Variants in MAP7D3 observed in about 807,000 individuals in gnomAD.
MAP7D3 encodes the protein MAP7 domain containing 3.
MAP7D3 carries 45 observed loss-of-function variants against 62.2 expected under a neutral mutation model. That is an observed-to-expected ratio of 0.72 (90% CI 0.57 to 0.93). The LOEUF (loss-of-function observed/expected upper bound fraction) is 0.93. Ranked by LOEUF, MAP7D3 falls within the 40% of genes least tolerant of loss-of-function variation. The probability of loss-of-function intolerance (pLI) is 0.00; values close to 1 mark genes in which losing one functional copy is unlikely to be tolerated. For missense variants in MAP7D3, 711 were observed against 683.1 expected, an observed-to-expected ratio of 1.04 and a Z score of -0.45; for synonymous variants, 288 against 248.8, an observed-to-expected ratio of 1.16 and a Z score of -1.48.
intron 17 of MAP7D3, 36 bp from the exon 18 acceptor site, chrX:136,219,531 G>A (rs1021889854): frequency 8.5e-7 from 1 of 1,174,179 alleles, no homozygotes; most frequent in African/African-American, 1.8e-5. Flanking sequence ...ATAGTTCTGT[G>A]TGACTTAAAC....
chrX:136,214,774 C>G (rs1452043681), downstream of MAP7D3: 4 of 112,423 alleles, frequency 3.6e-5, no homozygotes, highest in East Asian at 1.1e-3. Context: ...AGAAAATGCG[C>G]TGATCTGCAG....
intron 14 of MAP7D3, 69 bp from the exon 15 acceptor site, chrX:136,222,555 GTC>G (rs778932575): frequency 1.1e-6 from 1 of 897,262 alleles, no homozygotes; most frequent in African/African-American, 2.0e-5. Context: ...TTTCAACAAA[GTC>G]TGACTTCAAA....
intron 16 of MAP7D3, among the ~76,000 whole-genome samples, chrX:136,220,157 T>G (rs1006119674): frequency 9.0e-6 from 1 of 111,731 alleles, no homozygotes; most frequent in Non-Finnish European, 1.9e-5. Flanking sequence ...TTTCCTTACA[T>G]TGACAATGAG....
At chrX:136,225,193 T>G (rs1295827702) in intron 13 of MAP7D3, among the ~76,000 whole-genome samples, 1 of 112,753 alleles carries the variant, frequency 8.9e-6, no homozygotes, top group Non-Finnish European at 1.9e-5. Context: ...GCGAACCAAT[T>G]AGAGCTTTTA....
chrX:136,226,346 C>T (rs1203635799), intron 12 of MAP7D3, among the ~76,000 whole-genome samples: 1 of 111,394 alleles, frequency 9.0e-6, no homozygotes, highest in Non-Finnish European at 1.9e-5. Flanking sequence ...CTCAAAAGCA[C>T]TGAGAGGATT....
At position 136,244,804 on chromosome X, in the gene MAP7D3, T is replaced by G. The variant is rs750279371; in HGVS notation, c.254-9A>C. 1 of 1,171,221 alleles carries G rather than the reference T, an allele frequency of 8.5e-7. No individual in the cohort carries two copies. The highest frequency in any genetic ancestry group is 3.0e-5 in the East Asian group (1 of 33,654). On this transcript the variant is annotated splice_polypyrimidine_tract_variant and intron_variant, in intron 3 of 18. Transcript: ENST00000316077. ...TTGTGTTTCTTTATTGGCTGAAATA[T>G]TCCAAATACATTTTCAAGGTGTAAG...
intron 12 of MAP7D3, among the ~76,000 whole-genome samples, chrX:136,226,681 G>C (rs1428151797): frequency 8.9e-6 from 1 of 112,001 alleles, no homozygotes; most frequent in African/African-American, 3.2e-5. Flanking sequence ...GTAGGATGTG[G>C]AATCTGTTAA....
intron 12 of MAP7D3, 127 bp from the exon 13 acceptor site, chrX:136,226,140 G>A (rs1165542292): frequency 4.4e-6 from 2 of 449,666 alleles, no homozygotes; most frequent in Non-Finnish European, 7.4e-6. Flanking sequence ...TTTTGAATGA[G>A]GGTTCCTATA....
intron 13 of MAP7D3, 109 bp downstream of exon 13, chrX:136,225,800 C>A (rs766410079): frequency 2.4e-5 from 12 of 498,832 alleles, no homozygotes; most frequent in Middle Eastern, 3.4e-4. Flanking sequence ...GGGAAAACCA[C>A]CAGGAACTAG....
chrX:136,235,559 A>C (rs1569532027), intron 7 of MAP7D3, among the ~76,000 whole-genome samples: 2 of 110,695 alleles, frequency 1.8e-5, no homozygotes, highest in Non-Finnish European at 3.8e-5. Flanking sequence ...GACCAGCCTG[A>C]CCAACATGGC....
In MAP7D3 at chrX:136,246,287, C is replaced by A; in HGVS notation, c.125G>T (p.Arg42Leu). 1 of 1,204,744 alleles carries A rather than the reference C, an allele frequency of 8.3e-7. No homozygotes were observed. Among genetic ancestry groups the A allele is most frequent in the Non-Finnish European group, 1.1e-6 (1 of 889,861 alleles). ...KERRKQDVVN[R>L]VATHSSNIRS... ...TATATTTGAGGAATGGGTTGCAACA[C>A]GATTAACCACATCTTGCTTCCTCCT... is the stretch of plus-strand genomic sequence containing the variant. Residue 42 changes from arginine to leucine, a missense_variant, in exon 2 of 19, where the codon CGT (arginine) becomes CTT (leucine). By Grantham distance (102) the Arg-to-Leu change is moderately radical. Transcript: ENST00000316077.
chrX:136,250,229 T>C (rs752099880), intron 1 of MAP7D3, among the ~76,000 whole-genome samples: 2 of 112,322 alleles, frequency 1.8e-5, no homozygotes, highest in Non-Finnish European at 3.8e-5. Context: ...AAGTAACATA[T>C]AGCTTCCCAA....
chrX:136,229,993 A>ATATT (rs1210531192), intron 10 of MAP7D3, among the ~76,000 whole-genome samples: 9 of 48,108 alleles, frequency 1.9e-4, no homozygotes, highest in African/African-American at 4.7e-4. Context: ...ATATATATAT[A>ATATT]TTTTTTTTTT....
chrX:136,252,068 G>A (rs2074519711), upstream of MAP7D3, among the ~76,000 whole-genome samples: 2 of 112,323 alleles, frequency 1.8e-5, no homozygotes, highest in Admixed American at 9.4e-5. Flanking sequence ...AAGGAAAACC[G>A]TCATTGGCCT....
At position 136,246,287 on chromosome X, in the gene MAP7D3, C is replaced by G; in HGVS notation, c.125G>C (p.Arg42Pro). 8.3e-7 allele frequency: 1 copy of G among 1,204,744 alleles called. No homozygotes were observed. The highest frequency in any genetic ancestry group is 1.1e-6 in the Non-Finnish European group (1 of 889,861). ...KERRKQDVVN[R>P]VATHSSNIRS... ...TATATTTGAGGAATGGGTTGCAACA[C>G]GATTAACCACATCTTGCTTCCTCCT... The change falls in exon 2 of 19, where the codon CGT becomes CCT. Residue 42 changes from arginine (R) to proline (P), a missense_variant. By Grantham distance (103) the Arg-to-Pro change is moderately radical. Transcript: ENST00000316077.
chrX:136,232,744 A>C (rs775131604), intron 7 of MAP7D3, among the ~76,000 whole-genome samples: 2 of 112,138 alleles, frequency 1.8e-5, no homozygotes, highest in African/African-American at 3.2e-5. Context: ...TTGGATCTCC[A>C]AGGTCCTTTC....
intron 6 of MAP7D3, among the ~76,000 whole-genome samples, chrX:136,237,830 T>G (rs1244047185): frequency 1.8e-5 from 2 of 110,206 alleles, no homozygotes; most frequent in Admixed American, 9.7e-5. Context: ...ACCCATTAAC[T>G]CATCATTTAA....
Position 136,231,902 on chromosome X carries a change from TATGTGCTCACCACAGGC to T in MAP7D3, c.1038_1054del (p.Pro347Ter). On this transcript the variant is annotated frameshift_variant, in exon 8 of 19. Coordinates refer to ENST00000316077, the MANE Select transcript of MAP7D3 (RefSeq NM_024597.4). LOFTEE classifies it high-confidence loss of function. ...TGCGTCCATGCTCATCTCAGAATCA[TATGTGCTCACCACAGGC>T]GACACGTCCACGCTCACCACAGGGA... 8.3e-7 allele frequency: 1 copy of T among 1,211,350 alleles called. No homozygotes were observed. The highest frequency in any genetic ancestry group is 1.1e-6 in the Non-Finnish European group (1 of 895,344).
At chrX:136,229,993 A>ATATATTTT (rs1210531192) in intron 10 of MAP7D3, among the ~76,000 whole-genome samples, 1 of 48,106 alleles carries the variant, frequency 2.1e-5, no homozygotes, top group African/African-American at 9.4e-5. Context: ...ATATATATAT[A>ATATATTTT]TTTTTTTTTT....
Sources: allele counts gnomAD v4.1 joint callset (sites outside exome capture counted in the v4.1 genomes callset), GRCh38; gene constraint gnomAD v4.1.1; transcripts MANE v1.5; gene names NCBI Gene and HGNC (gene_info 2026-07-23, HGNC 2026-07-21).